The following TBC1D5 variants were observed in gnomAD, a reference collection of about 807,000 sequenced individuals.
TBC1D5 encodes the protein TBC1 domain family, member 5.
In TBC1D5, 75 loss-of-function variants were observed where a neutral mutation model predicts 100.3. The observed-to-expected ratio is 0.75, with a 90% CI of 0.62 to 0.91. TBC1D5 has a LOEUF of 0.91. Among genes scored for constraint, TBC1D5 ranks in the 40% least tolerant of loss-of-function variants. The pLI is 0.00. For synonymous variants in TBC1D5, 323 were observed against 325.6 expected (o/e 0.99, Z 0.09); for missense variants, 910 against 942.4 (o/e 0.97, Z 0.45).
At chr3:17,735,873 A>G (rs1005936611) in intron 1 of TBC1D5, among the ~76,000 whole-genome samples, 4 of 152,198 alleles carry the variant, frequency 2.6e-5, no homozygotes, top group African/African-American at 9.7e-5. Context: ...AACACGGACC[A>G]GAAGAGTGTG....
intron 4 of TBC1D5, among the ~76,000 whole-genome samples, chr3:17,407,811 T>C (rs1008797833): frequency 2.2e-4 from 34 of 152,118 alleles, no homozygotes; most frequent in African/African-American, 6.8e-4. Context: ...CTGGCTAAGA[T>C]TGCTAAATGA....
At chr3:17,226,271 C>T (rs1039713116) in intron 17 of TBC1D5, among the ~76,000 whole-genome samples, 5 of 150,912 alleles carry the variant, frequency 3.3e-5, no homozygotes, top group Non-Finnish European at 5.9e-5. Context: ...AAGCTTGTAA[C>T]CCATAAGCTA....
chr3:17,726,496 G>A (rs1577833132), intron 1 of TBC1D5, among the ~76,000 whole-genome samples: 1 of 152,130 alleles, frequency 6.6e-6, no homozygotes. Flanking sequence ...GCTTATGGCT[G>A]CATATGTATG....
intron 1 of TBC1D5, among the ~76,000 whole-genome samples, chr3:17,666,958 T>G (rs2067332838): frequency 6.6e-6 from 1 of 152,164 alleles, no homozygotes; most frequent in Non-Finnish European, 1.5e-5. Context: ...GAATTTTTTT[T>G]CATTTATTCA....
At chr3:17,482,056 ATAAAT>A (rs140050748) in intron 3 of TBC1D5, among the ~76,000 whole-genome samples, 3,385 of 152,320 alleles carry the variant, frequency 0.022, 119 homozygotes, top group African/African-American at 0.076. Flanking sequence ...ATTTATTTAA[ATAAAT>A]TAAGATACAA....
intron 3 of TBC1D5, among the ~76,000 whole-genome samples, chr3:17,478,423 T>C (rs1388320431): frequency 2.0e-5 from 3 of 152,184 alleles, no homozygotes; most frequent in Non-Finnish European, 1.5e-5. Flanking sequence ...TAATACTGAG[T>C]CTTCTAATCC....
At chr3:17,167,642 G>T in intron 20 of TBC1D5, 107 bp downstream of exon 21, 1 of 944,096 alleles carries the variant, frequency 1.1e-6, no homozygotes, top group South Asian at 1.4e-5. Context: ...GGGAGGAAAT[G>T]AGGGTTAGGG....
At chr3:17,511,334 T>C (rs2153233447) in intron 2 of TBC1D5, among the ~76,000 whole-genome samples, 1 of 152,160 alleles carries the variant, frequency 6.6e-6, no homozygotes, top group South Asian at 2.1e-4. Flanking sequence ...AGTTAACTGC[T>C]AGATTCCTTA....
At chr3:17,189,899 G>A (rs538193959) in intron 18 of TBC1D5, among the ~76,000 whole-genome samples, 1 of 152,314 alleles carries the variant, frequency 6.6e-6, no homozygotes, top group South Asian at 2.1e-4. Flanking sequence ...ATGATTGGCT[G>A]TATTGTTTTG....
chr3:17,292,871 G>A (rs1350842569), intron 14 of TBC1D5, among the ~76,000 whole-genome samples: 1 of 152,116 alleles, frequency 6.6e-6, no homozygotes, highest in Non-Finnish European at 1.5e-5. Flanking sequence ...CTTGAAAAAT[G>A]TTCCATAAGA....
At chr3:17,252,037 C>T (rs1023090905) in intron 16 of TBC1D5, among the ~76,000 whole-genome samples, 7 of 152,156 alleles carry the variant, frequency 4.6e-5, no homozygotes, top group African/African-American at 1.7e-4. Flanking sequence ...CTCATATTTT[C>T]TTTATTCCAG....
intron 3 of TBC1D5, among the ~76,000 whole-genome samples, chr3:17,437,727 G>A (rs898174241): frequency 6.6e-6 from 1 of 151,706 alleles, no homozygotes; most frequent in Non-Finnish European, 1.5e-5. Flanking sequence ...TGAAGGCAGA[G>A]AGAGAAAAGA....
At chr3:17,722,211 C>T (rs994589207) in intron 1 of TBC1D5, among the ~76,000 whole-genome samples, 2 of 152,142 alleles carry the variant, frequency 1.3e-5, no homozygotes, top group African/African-American at 2.4e-5. Context: ...ACAATTTCAA[C>T]CTCCTTGCCA....
exon 1 of TBC1D5, chr3:17,740,744 C>A (rs1166784945): frequency 6.6e-6 from 1 of 152,234 alleles, no homozygotes; most frequent in Non-Finnish European, 1.5e-5. Context: ...ACACTCAATA[C>A]TTCCTCCAAT....
At chr3:17,376,296 C>T (rs2092704827) in intron 10 of TBC1D5, among the ~76,000 whole-genome samples, 1 of 152,110 alleles carries the variant, frequency 6.6e-6, no homozygotes, top group Non-Finnish European at 1.5e-5. Flanking sequence ...TCCTTTGATA[C>T]AGAATCAAGA....
rs534799857 is a variant in TBC1D5, at chr3:17,560,792, G to A, written c.-35-52187C>T. On this transcript the variant is annotated intron_variant, in intron 2 of 21. Transcript: ENST00000253692. ...AAAAATTAGCTGGGTGTGGTGGCCCGCGTCTGTAATCCCAGCTACTAGGGA... is the reference window on the plus strand; with the variant it reads ...AAAAATTAGCTGGGTGTGGTGGCCCACGTCTGTAATCCCAGCTACTAGGGA... Among the ~76,000 whole-genome samples the A allele has an allele frequency of 2.9e-3, 435 of 151,520 alleles. 1 individual carries two copies. Among genetic ancestry groups the A allele is most frequent in the African/African-American group, 9.3e-3 (386 of 41,316 alleles).
intron 8 of TBC1D5, among the ~76,000 whole-genome samples, chr3:17,391,215 G>A (rs1400159151): frequency 6.6e-6 from 1 of 152,074 alleles, no homozygotes; most frequent in African/African-American, 2.4e-5. Context: ...AAACGACATA[G>A]CTTCTACATG....
chr3:17,527,503 T>C (rs1366529175), intron 2 of TBC1D5, among the ~76,000 whole-genome samples: 6 of 152,136 alleles, frequency 3.9e-5, no homozygotes, highest in Admixed American at 3.3e-4. Context: ...GGGTGTGACA[T>C]GATATGATCT....
chr3:17,454,452 A>T (rs2095004201), intron 3 of TBC1D5, among the ~76,000 whole-genome samples: 1 of 152,104 alleles, frequency 6.6e-6, no homozygotes, highest in Non-Finnish European at 1.5e-5. Flanking sequence ...TATAAAAATC[A>T]ATAGCATCTT....
Sources: allele counts gnomAD v4.1 joint callset (sites outside exome capture counted in the v4.1 genomes callset), GRCh38; gene constraint gnomAD v4.1.1; transcripts MANE v1.5; gene names NCBI Gene and HGNC (gene_info 2026-07-23, HGNC 2026-07-21).